Variants in LARP7 observed in about 807,000 individuals in gnomAD.
The protein encoded by LARP7 is La ribonucleoprotein 7, transcriptional regulator.
In LARP7, 52 loss-of-function variants were observed where a neutral mutation model predicts 69.3. That is an observed-to-expected ratio of 0.75 (90% confidence interval 0.60 to 0.95). The LOEUF (loss-of-function observed/expected upper bound fraction) is 0.95. Among genes scored for constraint, LARP7 ranks in the 40% least tolerant of loss-of-function variants. The probability of loss-of-function intolerance (pLI) is 0.00; values close to 1 mark genes in which losing one functional copy is unlikely to be tolerated. For synonymous variants in LARP7, 254 were observed against 215.9 expected (o/e 1.18, Z -1.55); for missense variants, 733 against 673.0 (o/e 1.09, Z -0.99).
chr4:112,649,105 G>A (rs1386022424), intron 8 of LARP7, among the ~76,000 whole-genome samples: 1 of 151,896 alleles, frequency 6.6e-6, no homozygotes. Context: ...GCTTCCACGG[G>A]GTGTTTTGTT....
In LARP7 at chr4:112,653,279, T is replaced by C. The variant is rs1264755657; in HGVS notation, c.1576+43T>C. 3.4e-6 allele frequency: 5 copies of C among 1,459,384 alleles called. 1 individual carries two copies. The highest frequency in any genetic ancestry group is 2.4e-5 in the East Asian group (1 of 42,056). 90.4% of individuals were successfully genotyped at this position (1,459,384 alleles called of 1,614,324 possible). A position where few individuals can be genotyped will look rare whatever the true frequency, so the allele number is the denominator to read the frequency against. ...TTTCCTTTTTTTTTTGTTATCATCC[T>C]TATTGTGAGTAATATATTTTCTGAG... On this transcript the variant is annotated intron_variant, in intron 11 of 12. Coordinates refer to ENST00000344442, the MANE Select transcript of LARP7 (RefSeq NM_016648.4).
intron 8 of LARP7, chr4:112,648,205 C>A: frequency 1.9e-6 from 1 of 532,842 alleles, no homozygotes; most frequent in Non-Finnish European, 3.9e-6. Flanking sequence ...CATGGAAGCA[C>A]TTACTTCTTT....
At chr4:112,638,806 G>T (rs565830257) in intron 1 of LARP7, among the ~76,000 whole-genome samples, 129 of 152,282 alleles carry the variant, frequency 8.5e-4, no homozygotes, top group African/African-American at 2.8e-3. Flanking sequence ...CCATGACTGT[G>T]CTTAAATCTT....
At chr4:112,644,945 C>CTTTT (rs58234206) in intron 2 of LARP7, 74 bp downstream of exon 2, 6,918 of 166,972 alleles carry the variant, frequency 0.041, 156 homozygotes, top group Middle Eastern at 0.061. Flanking sequence ...ATAATATATT[C>CTTTT]TTTTTTTTTT....
At position 112,649,609 on chromosome 4, in the gene LARP7, T is replaced by C. The variant is rs1367669432; in HGVS notation, c.1217T>C (p.Ile406Thr). 2.5e-6 allele frequency: 4 copies of C among 1,608,110 alleles called. No individual in the cohort carries two copies. Among genetic ancestry groups the C allele is most frequent in the Admixed American group, 3.4e-5 (2 of 59,506 alleles). Residue 406 changes from isoleucine to threonine, a missense_variant, in exon 9 of 13, where the codon ATA (isoleucine) becomes ACA (threonine). Transcript: ENST00000344442. ...AGCATGGCTTCTTTAAAAAAAACAA[T>C]ATCCCAAATAAAATCAGAGTCAGAA... ...KASMASLKKT[I>T]SQIKSESEME...
chr4:112,655,049 CCTT>C (rs2048901049), intron 12 of LARP7, among the ~76,000 whole-genome samples: 1 of 150,466 alleles, frequency 6.6e-6, no homozygotes, highest in South Asian at 2.1e-4. Flanking sequence ...TTTTCATCAA[CCTT>C]CTTCTACCAT....
intron 1 of LARP7, among the ~76,000 whole-genome samples, chr4:112,642,911 C>T (rs77203458): frequency 2.9e-4 from 44 of 152,324 alleles, no homozygotes; most frequent in Non-Finnish European, 5.4e-4. Flanking sequence ...GATACAACAC[C>T]CCCATTAGTC....
chr4:112,650,102 A>T (rs1358363994), intron 9 of LARP7: 1 of 182,646 alleles, frequency 5.5e-6, no homozygotes, highest in African/African-American at 2.4e-5. Flanking sequence ...GTAAAAATAA[A>T]TGTTCACGTT....
intron 2 of LARP7, chr4:112,645,413 A>G (rs982890077): frequency 1.0e-4 from 43 of 424,448 alleles, no homozygotes; most frequent in African/African-American, 8.8e-4. Flanking sequence ...GTATTTTGGG[A>G]TTTAATTGCT....
intron 1 of LARP7, among the ~76,000 whole-genome samples, chr4:112,642,082 T>C (rs773125131): frequency 3.3e-5 from 5 of 152,114 alleles, no homozygotes; most frequent in Non-Finnish European, 7.4e-5. Context: ...GAAGACTCGT[T>C]TGGAAGCTAT....
chr4:112,646,061 C>T (rs1368680765), intron 2 of LARP7, among the ~76,000 whole-genome samples: 1 of 151,880 alleles, frequency 6.6e-6, no homozygotes, highest in Non-Finnish European at 1.5e-5. Context: ...CTCACTGCAA[C>T]CTCTGCCTCC....
chr4:112,647,667 A>T (rs1443048418), intron 7 of LARP7, 23 bp from the exon 8 acceptor site: 1 of 1,506,778 alleles, frequency 6.6e-7, no homozygotes, highest in African/African-American at 1.4e-5. Flanking sequence ...GTCTTAACGG[A>T]GAGCTTTTTT....
Position 112,648,275 on chromosome 4 carries a change from AGAATC to A in LARP7, c.1142+442_1142+446del. 5 of 528,770 alleles carry A rather than the reference AGAATC, an allele frequency of 9.5e-6. No individual in the cohort carries two copies. The Admixed American group carries it at 9.8e-5, about 10-fold the overall frequency. The allele number at this position is 528,770 out of a possible 1,614,324, so 32.8% of individuals were successfully genotyped here. A position where few individuals can be genotyped will look rare whatever the true frequency, so the allele number is the denominator to read the frequency against. On this transcript the variant is annotated intron_variant, in intron 8 of 12. Coordinates refer to ENST00000344442, the MANE Select transcript of LARP7 (RefSeq NM_016648.4). ...GGGGAGCCCAGTCTTGGAAAAAGTT[AGAATC>A]CTTTAACCTGTAACAAGCTTAGTAA...
rs1462865763 is a variant in LARP7, at chr4:112,657,425, T to C, written c.*98T>C. Reference sequence around the variant, plus strand: ...GGTAGCACTGCATAATTAATGTGTTTTTAATTAAAAGAAATATCTTTGTTC... The same window carrying C: ...GGTAGCACTGCATAATTAATGTGTTCTTAATTAAAAGAAATATCTTTGTTC... On this transcript the variant is annotated 3_prime_UTR_variant, in exon 13 of 13. Coordinates refer to ENST00000344442, the MANE Select transcript of LARP7 (RefSeq NM_016648.4). 6.1e-6 allele frequency: 3 copies of C among 492,774 alleles called. No individual in the cohort carries two copies. The highest frequency in any genetic ancestry group is 1.0e-5 in the Non-Finnish European group (3 of 294,512). The allele number at this position is 492,774 out of a possible 1,614,324, so 30.5% of individuals were successfully genotyped here. A position where few individuals can be genotyped will look rare whatever the true frequency, so the allele number is the denominator to read the frequency against.
chr4:112,651,215 A>AT (rs2048717026), intron 10 of LARP7, among the ~76,000 whole-genome samples: 1 of 152,068 alleles, frequency 6.6e-6, no homozygotes, highest in African/African-American at 2.4e-5. Context: ...TATTTTAAGT[A>AT]TTTTCTTATA....
At chr4:112,643,295 G>C (rs1236737936) in intron 1 of LARP7, among the ~76,000 whole-genome samples, 1 of 152,120 alleles carries the variant, frequency 6.6e-6, no homozygotes, top group Non-Finnish European at 1.5e-5. Context: ...TTGTGGGAGG[G>C]GACCGCACTG....
chr4:112,649,434 T>G (rs910659574), intron 8 of LARP7, 101 bp from the exon 9 acceptor site: 1 of 923,692 alleles, frequency 1.1e-6, no homozygotes, highest in Non-Finnish European at 1.6e-6. Context: ...GGAAAGTTGG[T>G]GGAGGAGTTG....
rs1554011775 is a variant in LARP7, at chr4:112,647,370, C to G, written c.818C>G (p.Ser273Ter). 2.5e-6 allele frequency: 4 copies of G among 1,613,622 alleles called. No individual in the cohort carries two copies. The highest frequency in any genetic ancestry group is 1.1e-5 in the South Asian group (1 of 91,048). The change falls in exon 7 of 13, where the codon TCA (serine) becomes TGA (stop). Residue 273 changes from serine to a stop codon, truncating the protein, a stop_gained. Transcript: ENST00000344442. LOFTEE classifies it high-confidence loss of function. ...IESTEPQKQCSKKKKKRDRVE... is the reference protein window; with the variant it reads ...IESTEPQKQC ...TCCACTGAACCCCAAAAGCAGTGCTCAAAGAAAAAGAAAAAACGGGACAGA... is the reference window on the plus strand; with the variant it reads ...TCCACTGAACCCCAAAAGCAGTGCTGAAAGAAAAAGAAAAAACGGGACAGA...
At position 112,654,108 on chromosome 4, in the gene LARP7, T is replaced by C. The variant is rs371097609; in HGVS notation, c.1617T>C (p.Asp539=). ...EQRYWQKILV[D]RQAKLNQPRE... ...GGTATTGGCAGAAGATTTTGGTTGA[T>C]AGACAGGCAAAACTTAATCAGCCTC... Residue 539 remains aspartate, a synonymous_variant, in exon 12 of 13, where the codon GAT becomes GAC. Transcript: ENST00000344442. 6.2e-7 allele frequency: 1 copy of C among 1,613,826 alleles called. No individual in the cohort carries two copies. The highest frequency in any genetic ancestry group is 1.3e-5 in the African/African-American group (1 of 74,928).
Sources: allele counts gnomAD v4.1 joint callset (sites outside exome capture counted in the v4.1 genomes callset), GRCh38; gene constraint gnomAD v4.1.1; transcripts MANE v1.5; gene names NCBI Gene and HGNC (gene_info 2026-07-23, HGNC 2026-07-21).